ANKS1B: variants seen among roughly 807,000 people sequenced by gnomAD.
The protein encoded by ANKS1B is ankyrin repeat and sterile alpha motif domain-containing protein 1B.
ANKS1B carries 36 observed loss-of-function variants against 148.3 expected under a neutral mutation model. The ratio of observed to expected loss-of-function variants is 0.24; its 90% CI spans 0.19 to 0.32. The LOEUF is 0.32. Ranked by LOEUF, ANKS1B falls within the 10% of genes least tolerant of loss-of-function variation. The probability of loss-of-function intolerance (pLI) is 1.00; values close to 1 mark genes in which losing one functional copy is unlikely to be tolerated. For missense variants in ANKS1B, 1,157 were observed against 1,542.6 expected (o/e 0.75, Z 4.19); for synonymous variants, 542 against 560.8 (o/e 0.97, Z 0.47).
chr12:99,632,773 A>G (rs1276540287), intron 9 of ANKS1B, among the ~76,000 whole-genome samples: 1 of 108,092 alleles, frequency 9.3e-6, no homozygotes. Context: ...ATATATTTTA[A>G]TTATACTTTA....
chr12:99,584,992 C>T (rs2097615031), intron 9 of ANKS1B, among the ~76,000 whole-genome samples: 1 of 152,092 alleles, frequency 6.6e-6, no homozygotes, highest in Non-Finnish European at 1.5e-5. Flanking sequence ...CCCGGCCCCT[C>T]CCAAATCTCA....
intron 19 of ANKS1B, among the ~76,000 whole-genome samples, chr12:98,816,480 G>A (rs1948593771): frequency 6.6e-6 from 1 of 152,114 alleles, no homozygotes; most frequent in Admixed American, 6.5e-5. Context: ...ATTTTTAGTA[G>A]AGACGGGGTT....
intron 25 of ANKS1B, among the ~76,000 whole-genome samples, chr12:98,754,512 T>G (rs148702053): frequency 1.1e-4 from 16 of 152,230 alleles, no homozygotes; most frequent in Non-Finnish European, 1.9e-4. Context: ...GTTGGGGACA[T>G]GTACCAGATA....
intron 9 of ANKS1B, among the ~76,000 whole-genome samples, chr12:99,599,399 G>C (rs1346202085): frequency 6.6e-6 from 1 of 152,046 alleles, no homozygotes; most frequent in East Asian, 1.9e-4. Flanking sequence ...ACCAGATGAT[G>C]ATGACTAGAT....
intron 17 of ANKS1B, among the ~76,000 whole-genome samples, chr12:98,946,507 AAG>A: frequency 6.6e-6 from 1 of 152,206 alleles, no homozygotes; most frequent in Non-Finnish European, 1.5e-5. Context: ...TTCCAGTAGG[AAG>A]AGTTTAAAAA....
At chr12:99,622,959 C>T (rs868347443) in intron 9 of ANKS1B, among the ~76,000 whole-genome samples, 2 of 151,658 alleles carry the variant, frequency 1.3e-5, no homozygotes, top group South Asian at 4.2e-4. Context: ...AAAGTAAAAA[C>T]TACAGGCCAA....
At chr12:98,765,178 T>C (rs540910357) in intron 25 of ANKS1B, among the ~76,000 whole-genome samples, 7 of 152,360 alleles carry the variant, frequency 4.6e-5, no homozygotes, top group Admixed American at 3.9e-4. Context: ...AATGCGTATG[T>C]GTCACCTTGT....
chr12:99,188,865 CAG>C (rs750469097), intron 14 of ANKS1B, among the ~76,000 whole-genome samples: 11 of 152,006 alleles, frequency 7.2e-5, no homozygotes, highest in East Asian at 3.9e-4. Context: ...CTGAAGGAGA[CAG>C]AGACACGAAA....
At chr12:99,592,480 G>GAAAA (rs60935160) in intron 9 of ANKS1B, among the ~76,000 whole-genome samples, 2 of 130,630 alleles carry the variant, frequency 1.5e-5, no homozygotes, top group African/African-American at 2.9e-5. Flanking sequence ...GATTGGAAAT[G>GAAAA]AAAAAAAAAA....
In ANKS1B at chr12:99,266,592, C is replaced by G. The variant is rs12313655; in HGVS notation, c.1757-19728G>C. Among the ~76,000 whole-genome samples the G allele has an allele frequency of 6.0e-3, 910 of 152,246 alleles. 12 individuals are homozygous for G. The highest frequency in any genetic ancestry group is 0.021 in the African/African-American group (866 of 41,548). ...CTTGGCCTGGAAAGTAATCAAATGG[C>G]ATGGGCAGAGTAAAGAGTATAACAT... On this transcript the variant is annotated intron_variant, in intron 12 of 26. Coordinates refer to ENST00000683438, the MANE Select transcript of ANKS1B (RefSeq NM_001352186.2).
intron 14 of ANKS1B, among the ~76,000 whole-genome samples, chr12:99,229,603 G>A (rs977123364): frequency 6.6e-6 from 1 of 151,884 alleles, no homozygotes; most frequent in Non-Finnish European, 1.5e-5. Context: ...TCATGGGTAA[G>A]TGCCCTACAC....
At position 98,751,343 on chromosome 12, in the gene ANKS1B, G is replaced by A. The variant is rs193139656; in HGVS notation, c.3747+12C>T. On this transcript the variant is annotated intron_variant, in intron 26 of 26. Transcript: ENST00000683438. This position sits in a 1 kb window ranked among gnomAD's most constrained non-coding sequence, Gnocchi z 4.3. ...CAAGGTTTTTTAGAACATCTGTATCGTTTCTACTTACCACGGACTTGCGAA... is the reference window on the plus strand; with the variant it reads ...CAAGGTTTTTTAGAACATCTGTATCATTTCTACTTACCACGGACTTGCGAA... 62 of 1,612,974 alleles carry A rather than the reference G, an allele frequency of 3.8e-5. No homozygotes were observed. Among genetic ancestry groups the A allele is most frequent in the African/African-American group, 1.2e-4 (9 of 74,990 alleles).
intron 17 of ANKS1B, chr12:98,894,730 C>A (rs1254563386): frequency 1.0e-6 from 1 of 985,532 alleles, no homozygotes; most frequent in Non-Finnish European, 1.2e-6. Flanking sequence ...CTCCCCTAGC[C>A]GTTGCCTCTG....
At chr12:99,744,818 C>A (rs2153585561) in intron 8 of ANKS1B, among the ~76,000 whole-genome samples, 1 of 151,850 alleles carries the variant, frequency 6.6e-6, no homozygotes, top group East Asian at 1.9e-4. Context: ...ATGGTGAAAC[C>A]CTGTCTCTAT....
At chr12:99,687,790 G>T (rs1316084182) in intron 8 of ANKS1B, among the ~76,000 whole-genome samples, 1 of 151,988 alleles carries the variant, frequency 6.6e-6, no homozygotes, top group Non-Finnish European at 1.5e-5. Context: ...AAACAGCTTT[G>T]CTGCTAAATC....
intron 12 of ANKS1B, chr12:99,343,877 G>C (rs1592720979): frequency 6.6e-6 from 1 of 151,970 alleles, no homozygotes; most frequent in South Asian, 2.1e-4. Context: ...CACTTTTCAA[G>C]TTGGGTTGAT....
intron 17 of ANKS1B, among the ~76,000 whole-genome samples, chr12:99,011,420 A>G (rs2099939344): frequency 6.6e-6 from 1 of 152,202 alleles, no homozygotes; most frequent in African/African-American, 2.4e-5. Flanking sequence ...TGGAATTCTG[A>G]TACTCAAACA....
At chr12:98,863,144 T>C (rs1458650371) in intron 17 of ANKS1B, among the ~76,000 whole-genome samples, 1 of 152,258 alleles carries the variant, frequency 6.6e-6, no homozygotes, top group Admixed American at 6.5e-5. Flanking sequence ...GGACACAAGC[T>C]ATTCCAGTCT....
At chr12:98,843,905 G>C (rs1274624187) in intron 17 of ANKS1B, among the ~76,000 whole-genome samples, 2 of 152,206 alleles carry the variant, frequency 1.3e-5, no homozygotes, top group Admixed American at 1.3e-4. Flanking sequence ...CCAGGAAGCA[G>C]TAATTGCTGA....
Sources: gnomAD v4.1 joint callset for allele counts (sites outside exome capture counted in the v4.1 genomes callset) on GRCh38, gnomAD v4.1.1 for gene constraint, Gnocchi (gnomAD v3.1) non-coding constraint, MANE v1.5 for transcripts, NCBI Gene and HGNC (gene_info 2026-07-23, HGNC 2026-07-21) for gene names.